Variants in EXOC6B observed in about 807,000 individuals in gnomAD.
EXOC6B encodes the protein exocyst complex component 6B, also known as SEC15 homolog B.
In EXOC6B, 54 loss-of-function variants were observed where a neutral mutation model predicts 113.5. The ratio of observed to expected loss-of-function variants is 0.48; its 90% CI spans 0.38 to 0.60. The LOEUF (loss-of-function observed/expected upper bound fraction) is 0.60. EXOC6B is among the 20% of genes least tolerant of loss of function. The pLI is 0.00. For synonymous variants in EXOC6B, 357 were observed against 339.0 expected (o/e 1.05, Z -0.58); for missense variants, 797 against 977.5 (o/e 0.82, Z 2.46).
At chr2:72,795,399 C>G (rs995463807) in intron 1 of EXOC6B, among the ~76,000 whole-genome samples, 1 of 152,014 alleles carries the variant, frequency 6.6e-6, no homozygotes, top group African/African-American at 2.4e-5. Flanking sequence ...CATGGTGAAA[C>G]CCCATCTCTA....
intron 20 of EXOC6B, among the ~76,000 whole-genome samples, chr2:72,301,600 T>C (rs996195127): frequency 1.6e-4 from 24 of 152,320 alleles, no homozygotes; most frequent in African/African-American, 5.3e-4. Flanking sequence ...CAGGAATTTA[T>C]CCATCTCTTC....
At chr2:72,215,038 A>G (rs1366043971) in intron 20 of EXOC6B, among the ~76,000 whole-genome samples, 2 of 152,214 alleles carry the variant, frequency 1.3e-5, no homozygotes, top group Admixed American at 6.5e-5. Flanking sequence ...CTCATTAATC[A>G]TAAGAGTCTG....
chr2:72,336,012 T>C (rs1225147207), intron 19 of EXOC6B, among the ~76,000 whole-genome samples: 1 of 151,398 alleles, frequency 6.6e-6, no homozygotes, highest in Non-Finnish European at 1.5e-5. Context: ...AGGTCTTAAG[T>C]TCCCTATACA....
At chr2:72,521,081 G>C (rs377324770) in intron 8 of EXOC6B, among the ~76,000 whole-genome samples, 1 of 152,134 alleles carries the variant, frequency 6.6e-6, no homozygotes, top group Admixed American at 6.5e-5. Flanking sequence ...CGGCCTTTAA[G>C]AGGTGATTAA....
rs1457944179 is a variant in EXOC6B at position 72,514,759 on chromosome 2, T to C, written c.1000-79A>G. ...CTAAGTTAAAATCAGTCACTTAATC[T>C]CTTAAGGCTCAGCTCCCTAGATGAT... On this transcript the variant is annotated intron_variant, in intron 9 of 21. Transcript: ENST00000272427. 3.5e-6 allele frequency: 3 copies of C among 857,582 alleles called. No individual in the cohort carries two copies. In the East Asian group the frequency reaches 8.0e-5, roughly 23 times the overall value. The allele number at this position is 857,582 out of a possible 1,614,324, so 53.1% of individuals were successfully genotyped here.
intron 6 of EXOC6B, among the ~76,000 whole-genome samples, chr2:72,695,273 G>A (rs1056390426): frequency 6.6e-6 from 1 of 152,128 alleles, no homozygotes; most frequent in Non-Finnish European, 1.5e-5. Context: ...CTTAGTAAAA[G>A]CACAAAGCTC....
At chr2:72,402,951 AC>A (rs1693439224) in intron 18 of EXOC6B, among the ~76,000 whole-genome samples, 1 of 152,208 alleles carries the variant, frequency 6.6e-6, no homozygotes, top group Non-Finnish European at 1.5e-5. Flanking sequence ...AGGAGCAACA[AC>A]AAAAAACAAA....
intron 6 of EXOC6B, among the ~76,000 whole-genome samples, chr2:72,591,862 G>A (rs1705988019): frequency 6.6e-6 from 1 of 152,010 alleles, no homozygotes; most frequent in African/African-American, 2.4e-5. Context: ...AAATATAAAT[G>A]TCTGCTAATA....
chr2:72,514,179 G>T (rs1476595849), intron 10 of EXOC6B, among the ~76,000 whole-genome samples: 2 of 151,976 alleles, frequency 1.3e-5, no homozygotes, highest in East Asian at 1.9e-4. Context: ...CATCATTTAC[G>T]TATCATCTAT....
intron 6 of EXOC6B, among the ~76,000 whole-genome samples, chr2:72,625,657 T>C (rs1672007596): frequency 6.6e-6 from 1 of 152,188 alleles, no homozygotes; most frequent in Non-Finnish European, 1.5e-5. Context: ...CCATACCAAT[T>C]ACCTCCAAAT....
At chr2:72,552,278 A>G (rs1042483754) in intron 8 of EXOC6B, among the ~76,000 whole-genome samples, 13 of 152,194 alleles carry the variant, frequency 8.5e-5, no homozygotes, top group African/African-American at 2.7e-4. Context: ...TTATTTTTCT[A>G]TAGACTATTG....
intron 1 of EXOC6B, among the ~76,000 whole-genome samples, chr2:72,784,964 C>G (rs1007211307): frequency 2.0e-5 from 3 of 152,154 alleles, no homozygotes; most frequent in Non-Finnish European, 4.4e-5. Context: ...AAATCAAAAG[C>G]AAGTTAGTTA....
At chr2:72,625,332 T>A (rs374144483) in intron 6 of EXOC6B, among the ~76,000 whole-genome samples, 13 of 152,170 alleles carry the variant, frequency 8.5e-5, no homozygotes, top group African/African-American at 2.4e-4. Flanking sequence ...TTTATTCATT[T>A]ATCAAATTCT....
chr2:72,805,020 T>C (rs537694235), intron 1 of EXOC6B, among the ~76,000 whole-genome samples: 70 of 152,334 alleles, frequency 4.6e-4, no homozygotes, highest in African/African-American at 1.6e-3. Context: ...TAGTAACTTG[T>C]TGCAATAAAA....
At chr2:72,247,054 A>C (rs1682707690) in intron 20 of EXOC6B, among the ~76,000 whole-genome samples, 1 of 152,198 alleles carries the variant, frequency 6.6e-6, no homozygotes, top group Non-Finnish European at 1.5e-5. Context: ...TACCAAACAC[A>C]CTTTTCTAGA....
chr2:72,539,666 T>C (rs1176990434), intron 8 of EXOC6B, among the ~76,000 whole-genome samples: 1 of 152,198 alleles, frequency 6.6e-6, no homozygotes, highest in Non-Finnish European at 1.5e-5. Flanking sequence ...TTTTTATAGG[T>C]ATCTTATCAA....
chr2:72,673,681 T>C (rs1676073535), intron 6 of EXOC6B, among the ~76,000 whole-genome samples: 1 of 151,830 alleles, frequency 6.6e-6, no homozygotes. Flanking sequence ...TAGGTGCCAG[T>C]AAATTCCTTT....
At chr2:72,410,305 G>A (rs1445691112) in intron 18 of EXOC6B, among the ~76,000 whole-genome samples, 3 of 152,172 alleles carry the variant, frequency 2.0e-5, no homozygotes. Context: ...CATGGTTCTT[G>A]ATGGAACGTT....
intron 20 of EXOC6B, among the ~76,000 whole-genome samples, chr2:72,213,759 T>A (rs1298329702): frequency 6.6e-6 from 1 of 152,028 alleles, no homozygotes; most frequent in East Asian, 1.9e-4. Context: ...AGTGCCCCCA[T>A]AAAAGAGACC....
Sources: allele counts gnomAD v4.1 joint callset (sites outside exome capture counted in the v4.1 genomes callset), GRCh38; gene constraint gnomAD v4.1.1; transcripts MANE v1.5; gene names NCBI Gene and HGNC (gene_info 2026-07-23, HGNC 2026-07-21).